The following PIK3C2G variants were observed in gnomAD, a reference collection of about 807,000 sequenced individuals.
PIK3C2G encodes phosphatidylinositol 3-kinase C2 domain-containing subunit gamma.
PIK3C2G carries 168 observed loss-of-function variants against 181.1 expected under a neutral mutation model. That is an observed-to-expected ratio of 0.93 (90% CI 0.82 to 1.05). The LOEUF (loss-of-function observed/expected upper bound fraction) is 1.05. PIK3C2G is among the 50% of genes least tolerant of loss of function. PIK3C2G has a pLI of 0.00. For synonymous variants in PIK3C2G, 573 were observed against 592.2 expected, an observed-to-expected ratio of 0.97 and a Z score of 0.47; for missense variants, 1,869 against 1,732.8, an observed-to-expected ratio of 1.08 and a Z score of -1.40.
upstream of PIK3C2G, among the ~76,000 whole-genome samples, chr12:18,244,792 A>G (rs1273431250): frequency 1.3e-5 from 2 of 152,124 alleles, no homozygotes; most frequent in Non-Finnish European, 2.9e-5. Context: ...GAAGTAATTC[A>G]GAAGCAATGT....
At chr12:18,353,379 G>A (rs1018199842) in intron 11 of PIK3C2G, among the ~76,000 whole-genome samples, 3 of 152,112 alleles carry the variant, frequency 2.0e-5, no homozygotes, top group Non-Finnish European at 4.4e-5. Context: ...TATTATACAA[G>A]GAAAGAATCT....
intron 18 of PIK3C2G, among the ~76,000 whole-genome samples, chr12:18,455,354 G>C (rs980761244): frequency 6.6e-6 from 1 of 152,156 alleles, no homozygotes; most frequent in South Asian, 2.1e-4. Context: ...GGAAGGGGAG[G>C]GGGGTGGCGG....
the PIK3C2G span, among the ~76,000 whole-genome samples, chr12:18,658,605 AT>A: frequency 3.4e-3 from 516 of 152,258 alleles, 4 homozygotes; most frequent in African/African-American, 0.012. Flanking sequence ...ATAAAGGAGA[AT>A]TTTTTAATAG....
intron 30 of PIK3C2G, among the ~76,000 whole-genome samples, chr12:18,608,438 T>G (rs1280270237): frequency 6.6e-6 from 1 of 151,900 alleles, no homozygotes; most frequent in South Asian, 2.1e-4. Context: ...ACCATCATTC[T>G]CAGCAAACTA....
intron 30 of PIK3C2G, 78 bp from the exon 31 acceptor site, chr12:18,609,457 T>G (rs892029787): frequency 1.3e-6 from 1 of 761,714 alleles, no homozygotes; most frequent in African/African-American, 1.8e-5. Context: ...TTGGTCCTGT[T>G]TTAGTTTTTA....
intron 16 of PIK3C2G, among the ~76,000 whole-genome samples, chr12:18,406,656 T>C (rs2135595422): frequency 6.6e-6 from 1 of 152,226 alleles, no homozygotes; most frequent in East Asian, 1.9e-4. Flanking sequence ...AAGAGATAGA[T>C]AGGTGAAGTA....
chr12:18,606,494 A>C (rs138149770), intron 30 of PIK3C2G, among the ~76,000 whole-genome samples: 3,234 of 152,188 alleles, frequency 0.021, 38 homozygotes, highest in Middle Eastern at 0.068. Context: ...TGTAATCAAG[A>C]TATTATAAGT....
the PIK3C2G span, chr12:18,723,606 G>A: frequency 8.4e-7 from 1 of 1,189,144 alleles, no homozygotes; most frequent in Non-Finnish European, 1.2e-6. Flanking sequence ...ATGAATATTA[G>A]AGTATTTATG....
rs147691545 is a variant in PIK3C2G, at chr12:18,469,481, G to C, written c.2505-18968G>C. 7.5e-4 allele frequency among the ~76,000 whole-genome samples: 114 copies of C among 152,166 alleles called. No homozygotes were observed. In the East Asian group the frequency reaches 0.015, roughly 20 times the overall value. On this transcript the variant is annotated intron_variant, in intron 18 of 32. Transcript: ENST00000538779. ...ACTATGACCTTTTCAAAGACATGCT[G>C]AATATGCTCAAATTATCCTATACTT... is the stretch of plus-strand genomic sequence containing the variant.
chr12:18,464,429 T>G (rs1937632291), intron 18 of PIK3C2G, among the ~76,000 whole-genome samples: 3 of 152,062 alleles, frequency 2.0e-5, no homozygotes, highest in African/African-American at 7.2e-5. Context: ...GGAAATACAA[T>G]ATTCAGACTG....
intron 5 of PIK3C2G, among the ~76,000 whole-genome samples, chr12:18,296,550 C>T (rs1236191657): frequency 6.6e-6 from 1 of 152,122 alleles, no homozygotes; most frequent in African/African-American, 2.4e-5. Flanking sequence ...GTAATAAAGA[C>T]ATTTTTACCT....
chr12:18,333,999 C>T (rs934557182), intron 8 of PIK3C2G, among the ~76,000 whole-genome samples: 7 of 152,190 alleles, frequency 4.6e-5, no homozygotes, highest in Non-Finnish European at 1.0e-4. Flanking sequence ...AAACATTTTT[C>T]AAGTATGATT....
At chr12:18,591,665 T>C (rs1244208701) in intron 29 of PIK3C2G, among the ~76,000 whole-genome samples, 3 of 151,932 alleles carry the variant, frequency 2.0e-5, no homozygotes, top group African/African-American at 7.2e-5. Context: ...TCAAGAGCAG[T>C]CTTACAAGCT....
At chr12:18,701,329 T>C in the PIK3C2G span, among the ~76,000 whole-genome samples, 3 of 152,084 alleles carry the variant, frequency 2.0e-5, no homozygotes, top group Non-Finnish European at 2.9e-5. Context: ...AAAGAGGCAA[T>C]TTAAAAAATT....
At chr12:18,452,848 G>T (rs762707955) in intron 18 of PIK3C2G, among the ~76,000 whole-genome samples, 2 of 152,112 alleles carry the variant, frequency 1.3e-5, no homozygotes, top group Non-Finnish European at 2.9e-5. Flanking sequence ...GGAGCAGGTT[G>T]TTCAGTTTCC....
intron 13 of PIK3C2G, among the ~76,000 whole-genome samples, chr12:18,373,320 G>T (rs1309349620): frequency 1.3e-5 from 2 of 152,096 alleles, no homozygotes; most frequent in Non-Finnish European, 2.9e-5. Context: ...ATTGCCCATA[G>T]CTAGCCACGT....
chr12:18,525,942 T>C (rs907372678), intron 24 of PIK3C2G, among the ~76,000 whole-genome samples: 8 of 152,200 alleles, frequency 5.3e-5, no homozygotes, highest in Non-Finnish European at 7.3e-5. Flanking sequence ...TTTATCCCAA[T>C]AGACAACAAA....
the PIK3C2G span, among the ~76,000 whole-genome samples, chr12:18,666,110 A>G: frequency 6.6e-6 from 1 of 152,060 alleles, no homozygotes; most frequent in African/African-American, 2.4e-5. Flanking sequence ...GTGTATACTA[A>G]AACAAATGAA....
the PIK3C2G span, among the ~76,000 whole-genome samples, chr12:18,703,713 C>G: frequency 6.6e-6 from 1 of 152,118 alleles, no homozygotes; most frequent in Non-Finnish European, 1.5e-5. Flanking sequence ...CTGTTTTTGC[C>G]TGTATAAAAC....
Sources: gnomAD v4.1 joint callset for allele counts (sites outside exome capture counted in the v4.1 genomes callset) on GRCh38, gnomAD v4.1.1 for gene constraint, MANE v1.5 for transcripts, NCBI Gene and HGNC (gene_info 2026-07-23, HGNC 2026-07-21) for gene names.